Variants in VCAN observed in about 807,000 individuals in gnomAD.
VCAN encodes versican.
VCAN carries 44 observed loss-of-function variants against 245.5 expected under a neutral mutation model. That is an observed-to-expected ratio of 0.18 (90% confidence interval 0.14 to 0.23). The LOEUF (loss-of-function observed/expected upper bound fraction) is 0.23. VCAN is among the 10% of genes least tolerant of loss of function. The pLI is 1.00. For synonymous variants in VCAN, 1,413 were observed against 1,437.0 expected (o/e 0.98, Z 0.38); for missense variants, 3,793 against 4,057.9 (o/e 0.93, Z 1.77).
At chr5:83,507,876 G>GC (rs1347299954) in intron 5 of VCAN, among the ~76,000 whole-genome samples, 1 of 152,150 alleles carries the variant, frequency 6.6e-6, no homozygotes, top group Non-Finnish European at 1.5e-5. Context: ...CATCTTGATT[G>GC]CTTTTCTCAG....
chr5:83,570,766 C>T (rs1402658199), intron 12 of VCAN, among the ~76,000 whole-genome samples: 1 of 149,786 alleles, frequency 6.7e-6, no homozygotes, highest in Non-Finnish European at 1.5e-5. Context: ...TTTTAAAAGA[C>T]TTAAAAATAG....
chr5:83,487,958 A>G (rs1345769148), intron 2 of VCAN, among the ~76,000 whole-genome samples: 2 of 152,214 alleles, frequency 1.3e-5, no homozygotes, highest in Non-Finnish European at 2.9e-5. Context: ...GACATGATAA[A>G]GAGTTTCAAA....
chr5:83,546,362 T>G (rs1747219699), intron 9 of VCAN, among the ~76,000 whole-genome samples: 1 of 152,190 alleles, frequency 6.6e-6, no homozygotes. Flanking sequence ...TTGCTTAATT[T>G]GCTTACAATG....
Position 83,490,906 on chromosome 5 carries a change from C to A in VCAN, c.445+434C>A, listed in dbSNP as rs78566350. Among the ~76,000 whole-genome samples, 1,296 of 152,046 alleles carry A rather than the reference C, an allele frequency of 8.5e-3. 21 individuals are homozygous for A. Among genetic ancestry groups the A allele is most frequent in the African/African-American group, 0.03 (1,234 of 41,480 alleles). ...CATGAAAAACCTTTCCCCCTTTTTT[C>A]TCTCTTAATATGATTATTAAAATAT... On this transcript the variant is annotated intron_variant, in intron 3 of 14. Transcript: ENST00000265077.
At chr5:83,573,843 T>C (rs1026791571) in intron 13 of VCAN, among the ~76,000 whole-genome samples, 1 of 152,152 alleles carries the variant, frequency 6.6e-6, no homozygotes, top group African/African-American at 2.4e-5. Flanking sequence ...GATGAAGAAC[T>C]GAGATGGGTT....
Position 83,522,253 on chromosome 5 carries a change from C to T in VCAN, c.3947C>T (p.Thr1316Ile). Residue 1316 changes from threonine to isoleucine, a missense_variant, in exon 7 of 15, where the codon ACA (threonine) becomes ATA (isoleucine). This residue lies in a region of VCAN where 3,182 missense variants were observed against 3,250.3 expected (regional missense o/e 0.98). Coordinates refer to ENST00000265077, the MANE Select transcript of VCAN (RefSeq NM_004385.5). ...ALSTPQPPAS[T>I]KFHPDINVYI... ...TCTACGCCACAGCCCCCAGCAAGCACAAAATTTCACCCTGACATTAATGTT... is the reference window on the plus strand; with the variant it reads ...TCTACGCCACAGCCCCCAGCAAGCATAAAATTTCACCCTGACATTAATGTT... The T allele has an allele frequency of 6.3e-7, 1 of 1,599,978 alleles. No individual in the cohort carries two copies. Among genetic ancestry groups the T allele is most frequent in the Non-Finnish European group, 8.5e-7 (1 of 1,179,774 alleles).
chr5:83,568,135 T>C (rs550932866), intron 12 of VCAN, among the ~76,000 whole-genome samples: 2 of 151,490 alleles, frequency 1.3e-5, no homozygotes, highest in Non-Finnish European at 2.9e-5. Flanking sequence ...TAAAGTTAAT[T>C]TTTTTTTTAT....
chr5:83,491,212 G>A (rs1744970131), intron 3 of VCAN, among the ~76,000 whole-genome samples: 1 of 152,046 alleles, frequency 6.6e-6, no homozygotes, highest in Admixed American at 6.5e-5. Context: ...GCTTTAATTG[G>A]GTACACACAT....
At chr5:83,480,708 A>G (rs780348739) in intron 1 of VCAN, among the ~76,000 whole-genome samples, 4 of 152,214 alleles carry the variant, frequency 2.6e-5, no homozygotes, top group Admixed American at 6.5e-5. Context: ...AGACATGTTT[A>G]CAGATAATTT....
In VCAN at chr5:83,520,952, A is replaced by T; in HGVS notation, c.2646A>T (p.Arg882Ser). 1.2e-6 allele frequency: 2 copies of T among 1,614,142 alleles called. No homozygotes were observed. Among genetic ancestry groups the T allele is most frequent in the Non-Finnish European group, 8.5e-7 (1 of 1,179,996 alleles). ...DIAAHGKFTI[R>S]FQPTTSTGIA... ...CAGCCCATGGAAAATTCACAATTAG[A>T]TTTCAGCCAACTACATCAACTGGTA... is the stretch of plus-strand genomic sequence containing the variant. The change falls in exon 7 of 15, where the codon AGA (arginine) becomes AGT (serine). Residue 882 changes from arginine (R) to serine (S), a missense_variant. This residue lies in a region of VCAN where 3,182 missense variants were observed against 3,250.3 expected (regional missense o/e 0.98). Coordinates refer to ENST00000265077, the MANE Select transcript of VCAN (RefSeq NM_004385.5).
rs1243959982 is a variant in VCAN at position 83,537,250 on chromosome 5, T to C, written c.4247T>C (p.Leu1416Pro). The stretch of plus-strand genomic sequence containing the variant: ...GTGCAGTACATAAATGGGAAGCATC[T>C]CGTTACCACTGTGCCCAAGGACCCA... ...PSVQYINGKH[L>P]VTTVPKDPEA... The change falls in exon 8 of 15, where the codon CTC becomes CCC. Residue 1416 changes from leucine (L) to proline (P), a missense_variant. By Grantham distance (98) the Leu-to-Pro change is moderately conservative (BLOSUM62 -3). Coordinates refer to ENST00000265077, the MANE Select transcript of VCAN (RefSeq NM_004385.5). 6.2e-7 allele frequency: 1 copy of C among 1,613,826 alleles called. No individual in the cohort carries two copies. The highest frequency in any genetic ancestry group is 1.3e-5 in the African/African-American group (1 of 74,924).
chr5:83,476,785 G>A (rs33602), intron 1 of VCAN, among the ~76,000 whole-genome samples: 105,449 of 151,932 alleles, frequency 0.69, 36,773 homozygotes, highest in Middle Eastern at 0.81. Flanking sequence ...GGTCAGTACA[G>A]AGAATCTTTG....
rs1748325416 is a variant in VCAN at position 83,572,541 on chromosome 5, T to C, written c.9861T>C (p.Tyr3287=). The C allele has an allele frequency of 6.2e-7, 1 of 1,613,858 alleles. No individual in the cohort carries two copies. The highest frequency in any genetic ancestry group is 8.5e-7 in the Non-Finnish European group (1 of 1,179,826). The part of the protein sequence containing the change: ...NDVPCNYHLT[Y]TCKKGTVACG... ...TTCCCTGCAATTACCATCTCACCTATACGTGCAAGAAAGGAACAGGTAATG... is the reference window on the plus strand; with the variant it reads ...TTCCCTGCAATTACCATCTCACCTACACGTGCAAGAAAGGAACAGGTAATG... Residue 3287 remains tyrosine, a synonymous_variant, in exon 13 of 15, where the codon TAT becomes TAC. Coordinates refer to ENST00000265077, the MANE Select transcript of VCAN (RefSeq NM_004385.5).
intron 12 of VCAN, among the ~76,000 whole-genome samples, chr5:83,565,008 A>G (rs1748020059): frequency 1.3e-5 from 2 of 152,186 alleles, no homozygotes; most frequent in South Asian, 4.1e-4. Flanking sequence ...TAGATAATAT[A>G]TGGATAGATA....
chr5:83,554,339 C>T (rs1344809876), intron 11 of VCAN, among the ~76,000 whole-genome samples: 1 of 152,180 alleles, frequency 6.6e-6, no homozygotes, highest in Non-Finnish European at 1.5e-5. Context: ...TAAATATTTT[C>T]TCGTGATGCC....
chr5:83,535,306 G>T (rs1232731754), intron 7 of VCAN, among the ~76,000 whole-genome samples: 1 of 152,000 alleles, frequency 6.6e-6, no homozygotes, highest in Non-Finnish European at 1.5e-5. Flanking sequence ...CAATAGGAAG[G>T]GTGTTTAGTT....
chr5:83,489,759 G>A (rs1411600735), intron 2 of VCAN, among the ~76,000 whole-genome samples: 7 of 150,970 alleles, frequency 4.6e-5, no homozygotes, highest in African/African-American at 1.7e-4. Context: ...CCTGCCCTAC[G>A]GATTCTAGTC....
intron 5 of VCAN, among the ~76,000 whole-genome samples, chr5:83,511,625 G>A (rs1320197561): frequency 6.6e-6 from 1 of 150,798 alleles, no homozygotes; most frequent in Admixed American, 6.6e-5. Flanking sequence ...AGTTATAAAT[G>A]AGAAGGAAGG....
rs144939909 is a variant in VCAN at position 83,512,208 on chromosome 5, C to T, written c.854C>T (p.Ala285Val). Reference sequence around the variant, plus strand: ...CTGGCAACAGTGGGGGAACTCCAGGCGGCATGGAGGAACGGCTTTGACCAG... The same window carrying T: ...CTGGCAACAGTGGGGGAACTCCAGGTGGCATGGAGGAACGGCTTTGACCAG... ...ARLATVGELQAAWRNGFDQCD... is the reference protein window; with the variant it reads ...ARLATVGELQVAWRNGFDQCD... Residue 285 changes from alanine to valine, a missense_variant, in exon 6 of 15, where the codon GCG becomes GTG. Around this residue, in one of 5 missense-constraint regions of VCAN, gnomAD observed 190 missense variants for 288.6 expected, o/e 0.66. Coordinates refer to ENST00000265077, the MANE Select transcript of VCAN (RefSeq NM_004385.5). 785 of 1,614,080 alleles carry T rather than the reference C, an allele frequency of 4.9e-4. 1 individual carries two copies. The highest frequency in any genetic ancestry group is 1.8e-3 in the Admixed American group (106 of 60,014).
Sources: allele counts gnomAD v4.1 joint callset (sites outside exome capture counted in the v4.1 genomes callset), GRCh38; gene constraint gnomAD v4.1.1; regional missense constraint gnomAD v4.1.1; transcripts MANE v1.5; gene names NCBI Gene and HGNC (gene_info 2026-07-23, HGNC 2026-07-21).